CLIC5: variants seen among roughly 807,000 people sequenced by gnomAD.
CLIC5 encodes CLIC family member 5, also known as chloride intracellular channel protein 5.
In CLIC5, 20 loss-of-function variants were observed where a neutral mutation model predicts 24.7. The ratio of observed to expected loss-of-function variants is 0.81; its 90% confidence interval spans 0.57 to 1.18. CLIC5 has a LOEUF of 1.18. Among genes scored for constraint, CLIC5 ranks in the 50% most tolerant of loss-of-function variants. The pLI is 0.00. For synonymous variants in CLIC5, 159 were observed against 135.6 expected, an observed-to-expected ratio of 1.17 and a Z score of -1.20; for missense variants, 341 against 326.1, an observed-to-expected ratio of 1.05 and a Z score of -0.35.
chr6:45,979,491 A>T (rs1469755420), intron 1 of CLIC5, among the ~76,000 whole-genome samples: 1 of 152,222 alleles, frequency 6.6e-6, no homozygotes, highest in Non-Finnish European at 1.5e-5. Flanking sequence ...AGGTCCACTA[A>T]GGCTATGTGG....
chr6:45,950,857 G>T (rs549169208), intron 2 of CLIC5, among the ~76,000 whole-genome samples: 6 of 152,128 alleles, frequency 3.9e-5, no homozygotes, highest in African/African-American at 1.2e-4. Flanking sequence ...TTACTAGAAA[G>T]AAGTTATTTT....
At chr6:46,110,611 T>C in the CLIC5 span, among the ~76,000 whole-genome samples, 1 of 152,194 alleles carries the variant, frequency 6.6e-6, no homozygotes, top group Non-Finnish European at 1.5e-5. Flanking sequence ...GGTTCTCTTA[T>C]AAGGTTTCTT....
chr6:46,027,055 C>T (rs2127453459), intron 1 of CLIC5, among the ~76,000 whole-genome samples: 1 of 152,260 alleles, frequency 6.6e-6, no homozygotes, highest in African/African-American at 2.4e-5. Flanking sequence ...CTCCGAGAGA[C>T]ATTGAATATA....
intron 1 of CLIC5, among the ~76,000 whole-genome samples, chr6:46,028,805 T>A (rs544398974): frequency 6.6e-6 from 1 of 152,318 alleles, no homozygotes; most frequent in East Asian, 1.9e-4. Context: ...CATAGGCACA[T>A]CATAGTCACC....
intron 4 of CLIC5, among the ~76,000 whole-genome samples, chr6:45,931,828 T>G (rs566120162): frequency 5.3e-5 from 8 of 152,214 alleles, no homozygotes; most frequent in African/African-American, 1.2e-4. Flanking sequence ...TCGGCTAATT[T>G]TTTTGTAGTT....
chr6:45,947,948 AT>A (rs1764340911), intron 3 of CLIC5, among the ~76,000 whole-genome samples: 2 of 152,202 alleles, frequency 1.3e-5, no homozygotes, highest in African/African-American at 4.8e-5. Context: ...GACAAAGAAT[AT>A]TTTTAAGGAA....
At chr6:46,019,409 G>A (rs181623148), upstream of CLIC5, among the ~76,000 whole-genome samples, 6 of 152,230 alleles carry the variant, frequency 3.9e-5, no homozygotes, top group African/African-American at 9.6e-5. Flanking sequence ...AAGCTGGGCC[G>A]GGCGCGGTGG....
chr6:46,079,498 G>A (rs1762865378), intron 1 of CLIC5, among the ~76,000 whole-genome samples: 1 of 152,210 alleles, frequency 6.6e-6, no homozygotes, highest in Non-Finnish European at 1.5e-5. Context: ...TTAAATACGT[G>A]CTTTAAATGC....
intron 1 of CLIC5, among the ~76,000 whole-genome samples, chr6:46,073,239 A>G (rs1298922512): frequency 1.3e-5 from 2 of 152,196 alleles, no homozygotes; most frequent in Non-Finnish European, 2.9e-5. Flanking sequence ...ATCTCACCCC[A>G]TGCAAACACA....
At chr6:46,006,112 A>T (rs1766564257) in intron 1 of CLIC5, among the ~76,000 whole-genome samples, 1 of 25,056 alleles carries the variant, frequency 4.0e-5, no homozygotes, top group African/African-American at 2.0e-4. Context: ...ATATATATAT[A>T]CACATGTATA....
In CLIC5 at chr6:45,898,691, T is replaced by C. The variant is rs1762435832; in HGVS notation, c.*4397A>G. The C allele has an allele frequency of 6.5e-6, 1 of 152,674 alleles. No homozygotes were observed. The allele number at this position is 152,674 out of a possible 1,614,324, so 9.5% of individuals were successfully genotyped here. On this transcript the variant is annotated 3_prime_UTR_variant, in exon 6 of 6. Coordinates refer to ENST00000339561, the MANE Select transcript of CLIC5 (RefSeq NM_016929.5). ...GTGTCTTTGTAAAATGAAACACTTG[T>C]TCTTTTACAAAAGCTAAGCATCTTT... is the stretch of plus-strand genomic sequence containing the variant.
At chr6:46,088,831 T>C in the CLIC5 span, among the ~76,000 whole-genome samples, 1 of 152,214 alleles carries the variant, frequency 6.6e-6, no homozygotes, top group Admixed American at 6.5e-5. Flanking sequence ...AGGCAGAGGA[T>C]TTTGCTTGAA....
At chr6:45,924,762 C>T (rs1477792531) in intron 4 of CLIC5, among the ~76,000 whole-genome samples, 1 of 136,952 alleles carries the variant, frequency 7.3e-6, no homozygotes, top group Non-Finnish European at 1.6e-5. Flanking sequence ...GAAGACAGAG[C>T]CCATATATAT....
At chr6:45,923,367 C>T (rs1763351195) in intron 4 of CLIC5, among the ~76,000 whole-genome samples, 1 of 152,236 alleles carries the variant, frequency 6.6e-6, no homozygotes, top group African/African-American at 2.4e-5. Flanking sequence ...TTCTCCCTCC[C>T]CCAAAACACT....
intron 1 of CLIC5, among the ~76,000 whole-genome samples, chr6:45,972,700 A>T (rs1173398401): frequency 6.6e-6 from 1 of 152,144 alleles, no homozygotes; most frequent in Non-Finnish European, 1.5e-5. Flanking sequence ...CCTCTAAGTG[A>T]TTTATGCCTC....
intron 1 of CLIC5, among the ~76,000 whole-genome samples, chr6:45,989,717 T>C (rs1765864431): frequency 6.6e-6 from 1 of 152,194 alleles, no homozygotes; most frequent in Non-Finnish European, 1.5e-5. Flanking sequence ...AGGCATCCCA[T>C]TAAAGATACC....
intron 1 of CLIC5, among the ~76,000 whole-genome samples, chr6:46,061,320 G>C (rs1440346306): frequency 6.6e-6 from 1 of 152,184 alleles, no homozygotes; most frequent in African/African-American, 2.4e-5. Context: ...CACCCAAGTA[G>C]CTGGGACTAC....
At chr6:45,967,073 G>A (rs1765039256) in intron 1 of CLIC5, among the ~76,000 whole-genome samples, 1 of 152,212 alleles carries the variant, frequency 6.6e-6, no homozygotes, top group Admixed American at 6.5e-5. Flanking sequence ...CCTTCCTCTA[G>A]TCAGCCATGG....
intron 3 of CLIC5, among the ~76,000 whole-genome samples, chr6:45,948,496 C>G (rs1371341415): frequency 6.6e-6 from 1 of 152,182 alleles, no homozygotes; most frequent in Admixed American, 6.5e-5. Flanking sequence ...GGACTCACTA[C>G]AGGATAATAC....
Sources: gnomAD v4.1 joint callset for allele counts (sites outside exome capture counted in the v4.1 genomes callset) on GRCh38, gnomAD v4.1.1 for gene constraint, MANE v1.5 for transcripts, NCBI Gene and HGNC (gene_info 2026-07-23, HGNC 2026-07-21) for gene names.